The following EDEM1 variants were observed in gnomAD, a reference collection of about 807,000 sequenced individuals.
EDEM1 encodes ER degradation-enhancing alpha-mannosidase-like protein 1.
A neutral mutation model predicts 74.4 loss-of-function variants in EDEM1; 67 were observed. The observed-to-expected ratio is 0.90, with a 90% CI of 0.74 to 1.10. EDEM1 has a LOEUF of 1.10. EDEM1 is among the 50% of genes least tolerant of loss of function. EDEM1 has a pLI of 0.00. For missense variants in EDEM1, 926 were observed against 851.6 expected (o/e 1.09, Z -1.09); for synonymous variants, 382 against 335.9 (o/e 1.14, Z -1.50).
rs537035240 is a variant in EDEM1, at chr3:5,208,743, T to TTG, written c.1509+496_1509+497dup. On this transcript the variant is annotated intron_variant, in intron 8 of 11. Transcript: ENST00000256497. ...GCCTGTTTTTGTTTAATGTTTGTGT[T>TTG]TGTGTGTGTGTGTGTGTATATATAT... 2.9e-3 allele frequency among the ~76,000 whole-genome samples: 434 copies of TTG among 149,420 alleles called. 2 individuals carry two copies. Among genetic ancestry groups the TTG allele is most frequent in the East Asian group, 0.028 (144 of 5,068 alleles).
chr3:5,195,919 C>G (rs1299058134), intron 2 of EDEM1, among the ~76,000 whole-genome samples: 1 of 152,248 alleles, frequency 6.6e-6, no homozygotes, highest in Non-Finnish European at 1.5e-5. Context: ...GGTGCCATGT[C>G]TGTGTGCTTC....
chr3:5,205,146 A>G lies in EDEM1; in HGVS notation c.1122A>G (p.Glu374=), dbSNP rs1464039658. 19 of 1,614,252 alleles carry G rather than the reference A, an allele frequency of 1.2e-5. No individual in the cohort carries two copies. Among genetic ancestry groups the G allele is most frequent in the Non-Finnish European group, 1.5e-5 (18 of 1,180,050 alleles). The part of the protein sequence containing the change: ...GLGAGLDSFY[E]YLLKSYILFG... ...GTGCCGGGCTGGACTCCTTCTATGA[A>G]TACCTCTTGAAATCTTACATTCTCT... The change falls in exon 6 of 12, where the codon GAA becomes GAG. Residue 374 remains glutamate (E), a synonymous_variant. Coordinates refer to ENST00000256497, the MANE Select transcript of EDEM1 (RefSeq NM_014674.3).
chr3:5,187,766 CCCCGCGCTTTAAAATAATGCCCGCGGCG>C lies in EDEM1; in HGVS notation c.-32_-5del. The C allele has an allele frequency of 6.6e-7, 1 of 1,504,700 alleles. No individual in the cohort carries two copies. Among genetic ancestry groups the C allele is most frequent in the Non-Finnish European group, 8.9e-7 (1 of 1,127,094 alleles). The allele number at this position is 1,504,700 out of a possible 1,614,324, so 93.2% of individuals were successfully genotyped here. A position where few individuals can be genotyped will look rare whatever the true frequency, so the allele number is the denominator to read the frequency against. ...GGGGTGCGGTGGTCGGCGGGGAGGC[CCCCGCGCTTTAAAATAATGCCCGCGGCG>C]CCCGCGCGACCATGCAATGGCGAGC... On this transcript the variant is annotated 5_prime_UTR_variant, in exon 1 of 12. An upstream start codon of the reference 5' UTR is lost. Transcript: ENST00000256497.
chr3:5,210,412 T>C (rs1161626452), intron 9 of EDEM1, among the ~76,000 whole-genome samples, 164 bp downstream of exon 9: 1 of 152,234 alleles, frequency 6.6e-6, no homozygotes, highest in Non-Finnish European at 1.5e-5. Flanking sequence ...ACCTTTCCAT[T>C]GTACTGAGAA....
chr3:5,217,834 T>C lies in EDEM1; in HGVS notation c.*1916T>C, dbSNP rs2055260039. 1 of 152,204 alleles carries C rather than the reference T, an allele frequency of 6.6e-6. No homozygotes were observed. Among genetic ancestry groups the C allele is most frequent in the South Asian group, 2.1e-4 (1 of 4,828 alleles). 9.4% of individuals were successfully genotyped at this position (152,204 alleles called of 1,614,324 possible). A position where few individuals can be genotyped will look rare whatever the true frequency, so the allele number is the denominator to read the frequency against. Reference sequence around the variant, plus strand: ...ATGCATGCACACACGAGCATACTTGTACCTTTGTCTCTGGGCAAACAGGTG... The same window carrying C: ...ATGCATGCACACACGAGCATACTTGCACCTTTGTCTCTGGGCAAACAGGTG... On this transcript the variant is annotated 3_prime_UTR_variant, in exon 12 of 12. Transcript: ENST00000256497.
At position 5,213,768 on chromosome 3, in the gene EDEM1, G is replaced by A. The variant is rs141141713; in HGVS notation, c.1884+246G>A. Among the ~76,000 whole-genome samples the A allele has an allele frequency of 1.1e-4, 17 of 152,284 alleles. No homozygotes were observed. The East Asian group carries it at 1.2e-3, about 10-fold the overall frequency. Reference sequence around the variant, plus strand: ...GAGAGTGGCTACAGGATCCTGGAAGGGGGGAGCCTTGTGGGAGGAGCGAGC... The same window carrying A: ...GAGAGTGGCTACAGGATCCTGGAAGAGGGGAGCCTTGTGGGAGGAGCGAGC... On this transcript the variant is annotated intron_variant, in intron 11 of 11. Transcript: ENST00000256497.
chr3:5,212,503 T>C (rs775736644), intron 10 of EDEM1, among the ~76,000 whole-genome samples: 2 of 152,250 alleles, frequency 1.3e-5, no homozygotes, highest in Non-Finnish European at 2.9e-5. Flanking sequence ...GAGGGTGTGC[T>C]AGCTGAAAGA....
Position 5,201,944 on chromosome 3 carries a change from C to T in EDEM1, c.858+20C>T. On this transcript the variant is annotated intron_variant, in intron 4 of 11. Transcript: ENST00000256497. ...CCTCGGGTGGGTAGACTGGTTTGAC[C>T]CTTTGTGTTTGACAATTCACTATCT... 1 of 1,590,924 alleles carries T rather than the reference C, an allele frequency of 6.3e-7. No homozygotes were observed. Among genetic ancestry groups the T allele is most frequent in the Non-Finnish European group, 8.5e-7 (1 of 1,171,968 alleles).
chr3:5,204,037 G>A (rs2055065902), intron 5 of EDEM1, among the ~76,000 whole-genome samples: 1 of 152,154 alleles, frequency 6.6e-6, no homozygotes, highest in African/African-American at 2.4e-5. Flanking sequence ...CAGCCTAGGT[G>A]TTATTTTAAC....
rs545803039 is a variant in EDEM1, at chr3:5,217,163, C to T, written c.*1245C>T. On this transcript the variant is annotated 3_prime_UTR_variant, in exon 12 of 12. Transcript: ENST00000256497. ...TGCTTGGCCAGTCTTTGCCTTTCAT[C>T]CTGTAAAAGTAAGCATGTAGAAGGA... The T allele has an allele frequency of 6.5e-6, 1 of 152,734 alleles. No homozygotes were observed. The highest frequency in any genetic ancestry group is 1.5e-5 in the Non-Finnish European group (1 of 68,038). The allele number at this position is 152,734 out of a possible 1,614,324, so 9.5% of individuals were successfully genotyped here. A position where few individuals can be genotyped will look rare whatever the true frequency, so the allele number is the denominator to read the frequency against.
chr3:5,208,770 TACACAC>T (rs536161440), intron 8 of EDEM1, among the ~76,000 whole-genome samples: 18 of 148,318 alleles, frequency 1.2e-4, no homozygotes, highest in Admixed American at 8.0e-4. Flanking sequence ...TATATATATA[TACACAC>T]ACACACACAC....
chr3:5,203,142 A>T lies in EDEM1; in HGVS notation c.1035A>T (p.Gly345=). Residue 345 remains glycine, a synonymous_variant, in exon 5 of 12, where the codon GGA becomes GGT. Transcript: ENST00000256497. ...ALWNLRSNDT[G]LLGNVVNIQT... is the part of the protein sequence containing the mutation. Reference sequence around the variant, plus strand: ...GGAACCTCCGGAGCAATGATACAGGATTACTAGGTGTGGCACCTTTCCTCG... The same window carrying T: ...GGAACCTCCGGAGCAATGATACAGGTTTACTAGGTGTGGCACCTTTCCTCG... The T allele has an allele frequency of 6.3e-7, 1 of 1,574,848 alleles. No homozygotes were observed. Among genetic ancestry groups the T allele is most frequent in the East Asian group, 2.3e-5 (1 of 44,252 alleles).
At chr3:5,203,808 C>T (rs2055061603) in intron 5 of EDEM1, among the ~76,000 whole-genome samples, 1 of 152,150 alleles carries the variant, frequency 6.6e-6, no homozygotes, top group African/African-American at 2.4e-5. Context: ...TCTTGGCTCA[C>T]TGCGGCCTCC....
At chr3:5,189,751 C>T (rs968759742) in intron 1 of EDEM1, among the ~76,000 whole-genome samples, 1 of 152,184 alleles carries the variant, frequency 6.6e-6, no homozygotes, top group Non-Finnish European at 1.5e-5. Flanking sequence ...CAGACTCGTG[C>T]CACCACGCCC....
At chr3:5,204,691 C>T (rs1460255100) in intron 5 of EDEM1, among the ~76,000 whole-genome samples, 1 of 152,194 alleles carries the variant, frequency 6.6e-6, no homozygotes, top group Non-Finnish European at 1.5e-5. Flanking sequence ...CATGCCTGGC[C>T]ACTTTTTCTT....
At chr3:5,193,219 G>A (rs932384594) in intron 1 of EDEM1, among the ~76,000 whole-genome samples, 1 of 152,100 alleles carries the variant, frequency 6.6e-6, no homozygotes, top group Admixed American at 6.5e-5. Context: ...GATGAGGTGG[G>A]CTGTTGAAGC....
At chr3:5,197,261 A>G in intron 2 of EDEM1, among the ~76,000 whole-genome samples, 1 of 152,178 alleles carries the variant, frequency 6.6e-6, no homozygotes, top group East Asian at 1.9e-4. Context: ...CCCTGAAAGA[A>G]GAGTTCTGTT....
At chr3:5,215,363 A>G (rs1386700995) in intron 11 of EDEM1, among the ~76,000 whole-genome samples, 2 of 152,184 alleles carry the variant, frequency 1.3e-5, no homozygotes, top group African/African-American at 4.8e-5. Context: ...AATGAGAAAA[A>G]CATAGCTCAG....
chr3:5,200,481 T>C (rs1439756135), intron 3 of EDEM1, among the ~76,000 whole-genome samples: 1 of 152,210 alleles, frequency 6.6e-6, no homozygotes, highest in Non-Finnish European at 1.5e-5. Flanking sequence ...TTTTCTCTAT[T>C]TGTTTAGTGG....
Sources: gnomAD v4.1 joint callset for allele counts (sites outside exome capture counted in the v4.1 genomes callset) on GRCh38, gnomAD v4.1.1 for gene constraint, MANE v1.5 for transcripts, NCBI Gene and HGNC (gene_info 2026-07-23, HGNC 2026-07-21) for gene names.